Variants in LRRTM4 observed in about 807,000 individuals in gnomAD.
LRRTM4 encodes leucine rich repeat transmembrane neuronal 4, also known as leucine-rich repeat transmembrane neuronal protein 4.
A neutral mutation model predicts 47.6 loss-of-function variants in LRRTM4; 25 were observed. The observed-to-expected ratio is 0.53, with a 90% CI of 0.38 to 0.73. The LOEUF (loss-of-function observed/expected upper bound fraction) is 0.73. Among genes scored for constraint, LRRTM4 ranks in the 30% least tolerant of loss-of-function variants. The pLI is 0.00. For missense variants in LRRTM4, 638 were observed against 713.4 expected (o/e 0.89, Z 1.20); for synonymous variants, 311 against 269.5 (o/e 1.15, Z -1.51).
chr2:77,514,020 AAT>A (rs1679117310), intron 3 of LRRTM4, among the ~76,000 whole-genome samples: 1 of 152,046 alleles, frequency 6.6e-6, no homozygotes, highest in African/African-American at 2.4e-5. Context: ...TTCTGATGGA[AAT>A]ATGTTTCTAT....
intron 3 of LRRTM4, among the ~76,000 whole-genome samples, chr2:77,426,894 G>A (rs2103895219): frequency 6.6e-6 from 1 of 151,726 alleles, no homozygotes; most frequent in South Asian, 2.1e-4. Flanking sequence ...TCTCTCCACA[G>A]TGACAAATGC....
At chr2:77,225,917 AAAAT>A (rs1331242363) in intron 3 of LRRTM4, among the ~76,000 whole-genome samples, 2 of 152,056 alleles carry the variant, frequency 1.3e-5, no homozygotes, top group Non-Finnish European at 2.9e-5. Flanking sequence ...CTGTTGTTTG[AAAAT>A]AAATAGTTAA....
intron 3 of LRRTM4, among the ~76,000 whole-genome samples, chr2:77,451,583 T>A (rs1174203395): frequency 6.6e-6 from 1 of 152,252 alleles, no homozygotes; most frequent in African/African-American, 2.4e-5. Context: ...GAATGAGGTC[T>A]ACACTATACT....
chr2:77,142,419 CCACACACACATACACACA>C (rs1672147648), intron 3 of LRRTM4, among the ~76,000 whole-genome samples: 1 of 127,712 alleles, frequency 7.8e-6, no homozygotes, highest in Admixed American at 8.2e-5. Context: ...CTGCTTGTTA[CCACACACACATACACACA>C]CACACACACA....
rs183477457 is a variant in LRRTM4 at position 77,049,482 on chromosome 2, C to T, written c.1552-300566G>A. Among the ~76,000 whole-genome samples, 945 of 151,702 alleles carry T rather than the reference C, an allele frequency of 6.2e-3. 30 individuals are homozygous for T. Among genetic ancestry groups the T allele is most frequent in the Admixed American group, 0.056 (855 of 15,190 alleles). On this transcript the variant is annotated intron_variant, in intron 3 of 3. Coordinates refer to ENST00000409884, the MANE Select transcript of LRRTM4 (RefSeq NM_001134745.3). ...TATTTTTTGTCTTTTTAATAGCAGC[C>T]ATTCTAGCTAGAGTGAGATGGTATC... is the stretch of plus-strand genomic sequence containing the variant.
At chr2:77,074,075 T>C (rs1436123369) in intron 3 of LRRTM4, among the ~76,000 whole-genome samples, 3 of 152,204 alleles carry the variant, frequency 2.0e-5, no homozygotes, top group Admixed American at 2.0e-4. Flanking sequence ...TTTTCAATAT[T>C]GCATAGTGAT....
chr2:77,111,809 G>T (rs1243695321), intron 3 of LRRTM4, among the ~76,000 whole-genome samples: 1 of 152,064 alleles, frequency 6.6e-6, no homozygotes, highest in Non-Finnish European at 1.5e-5. Context: ...TAAGTAAAAA[G>T]GTGGACGTTT....
chr2:77,343,428 T>C (rs1671447313), intron 3 of LRRTM4, among the ~76,000 whole-genome samples: 1 of 151,988 alleles, frequency 6.6e-6, no homozygotes, highest in South Asian at 2.1e-4. Context: ...ATTTTATGTA[T>C]ATTAACTCTT....
intron 3 of LRRTM4, among the ~76,000 whole-genome samples, chr2:76,947,291 G>A (rs1333928030): frequency 1.3e-5 from 2 of 151,806 alleles, no homozygotes; most frequent in Admixed American, 6.6e-5. Context: ...CTGTACCCCT[G>A]TTATTAACAC....
chr2:77,123,843 C>T (rs1313727408), intron 3 of LRRTM4, among the ~76,000 whole-genome samples: 1 of 152,038 alleles, frequency 6.6e-6, no homozygotes, highest in African/African-American at 2.4e-5. Flanking sequence ...TTATCCTTGG[C>T]CTTGACAGTA....
chr2:77,163,390 T>A (rs1672787237), intron 3 of LRRTM4, among the ~76,000 whole-genome samples: 1 of 152,162 alleles, frequency 6.6e-6, no homozygotes, highest in African/African-American at 2.4e-5. Flanking sequence ...GGAACCAAGT[T>A]GGAAAACACT....
At chr2:76,931,392 T>A (rs1222347875) in intron 3 of LRRTM4, among the ~76,000 whole-genome samples, 1 of 152,126 alleles carries the variant, frequency 6.6e-6, no homozygotes, top group Non-Finnish European at 1.5e-5. Flanking sequence ...GGAGAAGCCA[T>A]TTCCTTATTC....
rs566111052 is a variant in LRRTM4 at position 76,837,599 on chromosome 2, G to A, written c.1552-88683C>T. Among the ~76,000 whole-genome samples, 20 of 152,162 alleles carry A rather than the reference G, an allele frequency of 1.3e-4. No individual in the cohort carries two copies. The East Asian group carries it at 1.7e-3, about 13-fold the overall frequency. On this transcript the variant is annotated intron_variant, in intron 3 of 3. Coordinates refer to ENST00000409884, the MANE Select transcript of LRRTM4 (RefSeq NM_001134745.3). ...TCCCATTACTGGGTATATACCCAAAGGATTATAAATCATGCTGCTATAAAG... is the reference window on the plus strand; with the variant it reads ...TCCCATTACTGGGTATATACCCAAAAGATTATAAATCATGCTGCTATAAAG...
chr2:77,158,747 T>C (rs1672627225), intron 3 of LRRTM4, among the ~76,000 whole-genome samples: 1 of 152,102 alleles, frequency 6.6e-6, no homozygotes. Flanking sequence ...CCTAATTTTT[T>C]CTCCCTGCTT....
intron 3 of LRRTM4, among the ~76,000 whole-genome samples, chr2:77,352,400 T>A (rs899006515): frequency 6.6e-6 from 1 of 152,150 alleles, no homozygotes; most frequent in Non-Finnish European, 1.5e-5. Context: ...CGAAGACAGA[T>A]TATTCTGGCC....
In LRRTM4 at chr2:77,055,835, A is replaced by G. The variant is rs1272077413; in HGVS notation, c.1552-306919T>C. Among the ~76,000 whole-genome samples the G allele has an allele frequency of 3.3e-5, 5 of 151,996 alleles. No individual in the cohort carries two copies. In the East Asian group the frequency reaches 9.7e-4, roughly 29 times the overall value. On this transcript the variant is annotated intron_variant, in intron 3 of 3. Transcript: ENST00000409884. ...ATTGGATTAAGAAAATGTGGCACAT[A>G]TACACCATGGAATACTATGCAGCCA...
chr2:77,237,395 G>A (rs1675131663), intron 3 of LRRTM4, among the ~76,000 whole-genome samples: 1 of 151,556 alleles, frequency 6.6e-6, no homozygotes, highest in Non-Finnish European at 1.5e-5. Context: ...TGGTTTTAAT[G>A]TCACATTGGT....
intron 3 of LRRTM4, among the ~76,000 whole-genome samples, chr2:76,806,903 TA>T (rs1039076481): frequency 1.3e-5 from 2 of 151,884 alleles, no homozygotes; most frequent in East Asian, 1.9e-4. Context: ...ATTTCATAAA[TA>T]AAAAAATACC....
At chr2:77,294,522 T>C (rs149780601) in intron 3 of LRRTM4, among the ~76,000 whole-genome samples, 216 of 152,222 alleles carry the variant, frequency 1.4e-3, no homozygotes, top group African/African-American at 5.1e-3. Flanking sequence ...AGCAGATATA[T>C]AGTTTAAAGA....
Sources: allele counts gnomAD v4.1 joint callset (sites outside exome capture counted in the v4.1 genomes callset), GRCh38; gene constraint gnomAD v4.1.1; transcripts MANE v1.5; gene names NCBI Gene and HGNC (gene_info 2026-07-23, HGNC 2026-07-21).